Variants in SLC6A16 observed in about 807,000 individuals in gnomAD.
SLC6A16 encodes solute carrier family 6 member 16.
In SLC6A16, 54 loss-of-function variants were observed where a neutral mutation model predicts 65.4. The ratio of observed to expected loss-of-function variants is 0.83; its 90% confidence interval spans 0.66 to 1.04. SLC6A16 has a LOEUF of 1.04. SLC6A16 is among the 50% of genes least tolerant of loss of function. SLC6A16 has a pLI of 0.00. For synonymous variants in SLC6A16, 330 were observed against 346.5 expected (o/e 0.95, Z 0.53); for missense variants, 816 against 914.0 (o/e 0.89, Z 1.38).
chr19:49,315,841 T>C (rs1413319149), intron 1 of SLC6A16, among the ~76,000 whole-genome samples: 1 of 151,866 alleles, frequency 6.6e-6, no homozygotes, highest in South Asian at 2.1e-4. Flanking sequence ...TGCTTAAACA[T>C]AGGCACATAT....
chr19:49,331,142 C>A, the SLC6A16 span, among the ~76,000 whole-genome samples: 5 of 152,156 alleles, frequency 3.3e-5, no homozygotes, highest in Admixed American at 6.5e-5. Flanking sequence ...GCTCAGAGGA[C>A]AATCCTTCCT....
the SLC6A16 span, among the ~76,000 whole-genome samples, chr19:49,332,858 T>A: frequency 3.9e-5 from 6 of 152,166 alleles, no homozygotes; most frequent in East Asian, 1.2e-3. Context: ...GCGTTGGTGG[T>A]GGTTAGAAAC....
intron 7 of SLC6A16, among the ~76,000 whole-genome samples, chr19:49,307,340 C>T (rs953264711): frequency 6.6e-6 from 1 of 151,810 alleles, no homozygotes; most frequent in African/African-American, 2.4e-5. Flanking sequence ...AAATGGAAGT[C>T]TCACACATCC....
chr19:49,307,563 G>A (rs1285787640), intron 7 of SLC6A16, among the ~76,000 whole-genome samples: 1 of 151,844 alleles, frequency 6.6e-6, no homozygotes, highest in East Asian at 1.9e-4. Flanking sequence ...GGGCGCGGTG[G>A]CTCACGCCTG....
At chr19:49,328,139 T>C (rs1207373258), upstream of SLC6A16, among the ~76,000 whole-genome samples, 2 of 152,164 alleles carry the variant, frequency 1.3e-5, no homozygotes, top group Admixed American at 1.3e-4. Context: ...CACACTGCTG[T>C]AAAGAACTGC....
At chr19:49,335,522 C>T in the SLC6A16 span, 37 of 1,603,270 alleles carry the variant, frequency 2.3e-5, no homozygotes, top group Non-Finnish European at 2.9e-5. This position sits in a 1 kb window ranked among gnomAD's most constrained non-coding sequence, Gnocchi z 4.6. Flanking sequence ...GAGTGGACCG[C>T]TTACCCCACT....
chr19:49,301,242 G>T (rs906681016), intron 7 of SLC6A16, among the ~76,000 whole-genome samples: 2 of 151,910 alleles, frequency 1.3e-5, no homozygotes, highest in African/African-American at 4.8e-5. Context: ...GAATTCCCTG[G>T]CTCGCATAAC....
At chr19:49,332,327 TG>T in the SLC6A16 span, 1 of 454,730 alleles carries the variant, frequency 2.2e-6, no homozygotes, top group Admixed American at 2.4e-5. Context: ...GAAGCTGAAG[TG>T]GGTGGATCAC....
At position 49,294,022 on chromosome 19, in the gene SLC6A16, C is replaced by T. The variant is rs748259959; in HGVS notation, c.1423G>A (p.Glu475Lys). Residue 475 changes from glutamate (E) to lysine (K), a missense_variant, in exon 9 of 12, where the codon GAG (glutamate) becomes AAG (lysine). Coordinates refer to ENST00000335875, the MANE Select transcript of SLC6A16 (RefSeq NM_014037.3). ...GACAGGAATGCAAACTTTGGGCCCT[C>T]GCTAGCCTGCAAAGAGAACAAAGAG... Reference protein sequence around the residue: ...NIETQFLKASEGPKFAFLSFV... With the variant: ...NIETQFLKASKGPKFAFLSFV... 21 of 1,610,488 alleles carry T rather than the reference C, an allele frequency of 1.3e-5. No homozygotes were observed. The highest frequency in any genetic ancestry group is 8.0e-5 in the African/African-American group (6 of 74,860).
intron 1 of SLC6A16, among the ~76,000 whole-genome samples, chr19:49,322,545 A>G (rs1047647175): frequency 1.3e-5 from 2 of 151,702 alleles, no homozygotes; most frequent in African/African-American, 4.8e-5. Flanking sequence ...GAGGCAGGAG[A>G]ATCACTTGAA....
intron 7 of SLC6A16, among the ~76,000 whole-genome samples, chr19:49,307,629 A>C (rs1026041684): frequency 3.4e-5 from 5 of 148,022 alleles, no homozygotes; most frequent in Non-Finnish European, 7.4e-5. Context: ...CCAGGAGTTC[A>C]AGACCTGCCT....
chr19:49,336,089 T>C, the SLC6A16 span: 1 of 464,524 alleles, frequency 2.2e-6, no homozygotes, highest in Non-Finnish European at 3.9e-6. Flanking sequence ...AGCCCCTTGA[T>C]GGATGTCATA....
intron 1 of SLC6A16, among the ~76,000 whole-genome samples, chr19:49,323,468 A>C (rs903825255): frequency 4.6e-5 from 7 of 152,220 alleles, no homozygotes; most frequent in Non-Finnish European, 7.3e-5. Context: ...ATGTATAATA[A>C]GAGATTAATA....
intron 7 of SLC6A16, 37 bp downstream of exon 7, chr19:49,308,839 C>G (rs1374056878): frequency 6.2e-7 from 1 of 1,611,376 alleles, no homozygotes; most frequent in Non-Finnish European, 8.5e-7. Flanking sequence ...TTAAAGTTCC[C>G]TGGAGCTGAG....
intron 1 of SLC6A16, 112 bp from the exon 2 acceptor site, chr19:49,311,523 T>A: frequency 1.8e-6 from 1 of 558,764 alleles, no homozygotes; most frequent in Non-Finnish European, 3.0e-6. Flanking sequence ...CACTGACATT[T>A]AAAGCACAAA....
chr19:49,301,242 G>A (rs906681016), intron 7 of SLC6A16, among the ~76,000 whole-genome samples: 1 of 151,910 alleles, frequency 6.6e-6, no homozygotes, highest in Non-Finnish European at 1.5e-5. Flanking sequence ...GAATTCCCTG[G>A]CTCGCATAAC....
At chr19:49,300,987 A>T (rs1045198361) in intron 7 of SLC6A16, among the ~76,000 whole-genome samples, 4 of 152,058 alleles carry the variant, frequency 2.6e-5, no homozygotes, top group African/African-American at 9.7e-5. Flanking sequence ...GGGAGGCGGA[A>T]GTTGCGTGAG....
intron 7 of SLC6A16, among the ~76,000 whole-genome samples, chr19:49,307,461 G>A (rs1970413556): frequency 6.6e-6 from 1 of 151,994 alleles, no homozygotes; most frequent in Non-Finnish European, 1.5e-5. Flanking sequence ...ATGCTGTCAA[G>A]AACTCTTGCA....
rs533432665 is a variant in SLC6A16, at chr19:49,296,764, A to G, written c.1230-2211T>C. 1.2e-4 allele frequency among the ~76,000 whole-genome samples: 18 copies of G among 152,254 alleles called. 1 individual carries two copies. In the East Asian group the frequency reaches 3.3e-3, roughly 28 times the overall value. On this transcript the variant is annotated intron_variant, in intron 7 of 11. Transcript: ENST00000335875. ...AGCACTTTTGGAGGCTGAGGCGGGC[A>G]GATCACTTGAGGTCAGGAGTTCGAG... is the stretch of plus-strand genomic sequence containing the variant.
Sources: gnomAD v4.1 joint callset for allele counts (sites outside exome capture counted in the v4.1 genomes callset) on GRCh38, gnomAD v4.1.1 for gene constraint, Gnocchi (gnomAD v3.1) non-coding constraint, MANE v1.5 for transcripts, NCBI Gene and HGNC (gene_info 2026-07-23, HGNC 2026-07-21) for gene names.